COL5A2: variants seen among roughly 807,000 people sequenced by gnomAD.
COL5A2 encodes the protein collagen type V alpha 2 chain, also known as collagen alpha-2(V) chain.
COL5A2 carries 23 observed loss-of-function variants against 208.2 expected under a neutral mutation model. The observed-to-expected ratio is 0.11, with a 90% CI of 0.08 to 0.16. COL5A2 has a LOEUF of 0.16. Ranked by LOEUF, COL5A2 falls within the 10% of genes least tolerant of loss-of-function variation. The pLI, the probability that COL5A2 is intolerant of heterozygous loss-of-function variation, is 1.00. For missense variants in COL5A2, 1,590 were observed against 1,956.4 expected, an observed-to-expected ratio of 0.81 and a Z score of 3.53; for synonymous variants, 625 against 628.5, an observed-to-expected ratio of 0.99 and a Z score of 0.08.
At chr2:189,078,448 G>C in intron 16 of COL5A2, 68 bp downstream of exon 16, 1 of 1,320,320 alleles carries the variant, frequency 7.6e-7, no homozygotes, top group Non-Finnish European at 1.1e-6. Context: ...GGCAAGTTCA[G>C]TAAACCAAAT....
the COL5A2 span, among the ~76,000 whole-genome samples, chr2:189,251,227 G>T: frequency 6.6e-6 from 1 of 152,072 alleles, no homozygotes; most frequent in East Asian, 1.9e-4. Context: ...TCAATAAAAA[G>T]ATCAAAACTG....
chr2:189,098,293 ATC>A (rs909915003), intron 5 of COL5A2, among the ~76,000 whole-genome samples: 6 of 152,206 alleles, frequency 3.9e-5, no homozygotes, highest in African/African-American at 1.4e-4. Context: ...GAAAAAATTA[ATC>A]TTTTATACTA....
intron 1 of COL5A2, among the ~76,000 whole-genome samples, chr2:189,222,558 T>C (rs2105879975): frequency 6.6e-6 from 1 of 152,268 alleles, no homozygotes; most frequent in South Asian, 2.1e-4. Flanking sequence ...TCTACAGAAT[T>C]GAAAGAAACA....
chr2:189,373,383 G>T, the COL5A2 span, among the ~76,000 whole-genome samples: 1 of 152,068 alleles, frequency 6.6e-6, no homozygotes, highest in Admixed American at 6.5e-5. Flanking sequence ...TACAAAATTA[G>T]CTCAGTGTTT....
At chr2:189,305,890 A>T in the COL5A2 span, among the ~76,000 whole-genome samples, 411 of 151,906 alleles carry the variant, frequency 2.7e-3, no homozygotes, top group African/African-American at 9.4e-3. Context: ...ATCAGTCAGC[A>T]CCTCTTTCTA....
At chr2:189,105,208 T>C (rs891522859) in intron 2 of COL5A2, among the ~76,000 whole-genome samples, 6 of 151,776 alleles carry the variant, frequency 4.0e-5, no homozygotes, top group Non-Finnish European at 7.4e-5. Flanking sequence ...TACATGCAAG[T>C]ATATTTGTAA....
intron 23 of COL5A2, 115 bp from the exon 24 acceptor site, chr2:189,065,172 CATGGCT>C: frequency 1.1e-6 from 1 of 924,054 alleles, no homozygotes; most frequent in Non-Finnish European, 1.7e-6. Context: ...ATCAAGCCAA[CATGGCT>C]ATAGATATGC....
chr2:189,190,512 A>C (rs545186130), intron 1 of COL5A2, among the ~76,000 whole-genome samples: 91 of 152,222 alleles, frequency 6.0e-4, no homozygotes, highest in Non-Finnish European at 1.0e-3. Context: ...TTTATTTGTA[A>C]AAAGAGTTAT....
intron 1 of COL5A2, among the ~76,000 whole-genome samples, chr2:189,138,393 T>G (rs1368318022): frequency 6.6e-6 from 1 of 152,176 alleles, no homozygotes; most frequent in African/African-American, 2.4e-5. Context: ...TGAGAAGAAA[T>G]GCTCAGATTT....
intron 1 of COL5A2, among the ~76,000 whole-genome samples, chr2:189,122,892 G>C (rs1259438607): frequency 6.6e-6 from 1 of 152,172 alleles, no homozygotes; most frequent in African/African-American, 2.4e-5. Flanking sequence ...GTAGTTATGA[G>C]AACAGAGGTA....
the COL5A2 span, among the ~76,000 whole-genome samples, chr2:189,273,008 T>A: frequency 6.6e-6 from 1 of 152,168 alleles, no homozygotes; most frequent in Non-Finnish European, 1.5e-5. Context: ...AAGGTACAAA[T>A]AGCTCTTCTT....
At chr2:189,102,968 T>C (rs552717546) in intron 3 of COL5A2, among the ~76,000 whole-genome samples, 1 of 152,216 alleles carries the variant, frequency 6.6e-6, no homozygotes, top group South Asian at 2.1e-4. Context: ...TCTCCCACAC[T>C]ACTTTTGGAG....
intron 1 of COL5A2, among the ~76,000 whole-genome samples, chr2:189,119,673 T>G (rs1687462822): frequency 6.6e-6 from 1 of 152,074 alleles, no homozygotes; most frequent in Non-Finnish European, 1.5e-5. Context: ...TTTCTTTAAA[T>G]ACCTGTGGAA....
At chr2:189,155,139 C>T (rs972392034) in intron 1 of COL5A2, among the ~76,000 whole-genome samples, 1 of 151,946 alleles carries the variant, frequency 6.6e-6, no homozygotes, top group South Asian at 2.1e-4. Context: ...GCCACCAAAC[C>T]TAGTTAACTT....
the COL5A2 span, among the ~76,000 whole-genome samples, chr2:189,379,022 C>A: frequency 2.6e-5 from 4 of 152,066 alleles, no homozygotes; most frequent in Admixed American, 2.0e-4. Flanking sequence ...TTCCAAAGAC[C>A]ACTGTTAGAG....
intron 6 of COL5A2, among the ~76,000 whole-genome samples, chr2:189,092,727 T>C (rs1306377804): frequency 1.3e-5 from 2 of 152,182 alleles, no homozygotes; most frequent in African/African-American, 2.4e-5. Context: ...AACTTCCTTA[T>C]TTGATTGAGT....
chr2:189,268,145 T>C, the COL5A2 span, among the ~76,000 whole-genome samples: 8 of 152,264 alleles, frequency 5.3e-5, no homozygotes, highest in East Asian at 1.5e-3. Flanking sequence ...GTCACAGTAC[T>C]TTTGAAATAA....
At chr2:189,233,626 T>C in the COL5A2 span, among the ~76,000 whole-genome samples, 2 of 151,776 alleles carry the variant, frequency 1.3e-5, no homozygotes, top group Non-Finnish European at 2.9e-5. Context: ...TCCATTGTTT[T>C]ATTGTTGGAA....
chr2:189,377,988 A>G, the COL5A2 span, among the ~76,000 whole-genome samples: 22 of 152,232 alleles, frequency 1.4e-4, no homozygotes, highest in African/African-American at 5.1e-4. Flanking sequence ...ACAGCTGAGA[A>G]AATTCCTTAT....
Sources: allele counts gnomAD v4.1 joint callset (sites outside exome capture counted in the v4.1 genomes callset), GRCh38; gene constraint gnomAD v4.1.1; transcripts MANE v1.5; gene names NCBI Gene and HGNC (gene_info 2026-07-23, HGNC 2026-07-21).